Variants in LRRN2 observed in about 807,000 individuals in gnomAD.
LRRN2 encodes the protein leucine rich repeat neuronal 2.
A neutral mutation model predicts 35.7 loss-of-function variants in LRRN2; 10 were observed. That is an observed-to-expected ratio of 0.28 (90% CI 0.17 to 0.47). LRRN2 has a LOEUF of 0.47. Ranked by LOEUF, LRRN2 falls within the 20% of genes least tolerant of loss-of-function variation. The probability of loss-of-function intolerance (pLI) is 0.99; values close to 1 mark genes in which losing one functional copy is unlikely to be tolerated. For synonymous variants in LRRN2, 391 were observed against 409.6 expected (o/e 0.95, Z 0.55); for missense variants, 731 against 940.3 (o/e 0.78, Z 2.91).
At chr1:204,637,356 C>G (rs1376930078) in intron 1 of LRRN2, among the ~76,000 whole-genome samples, 1 of 152,220 alleles carries the variant, frequency 6.6e-6, no homozygotes, top group African/African-American at 2.4e-5. Context: ...CCTTCTCAAG[C>G]CAGGGCACAT....
intron 1 of LRRN2, among the ~76,000 whole-genome samples, chr1:204,632,657 C>T (rs113155534): frequency 0.068 from 9,483 of 139,650 alleles, 411 homozygotes; most frequent in Middle Eastern, 0.11. Context: ...ATTCGCCACG[C>T]GCAGTGGCCC....
At chr1:204,651,259 C>G (rs578140695) in intron 1 of LRRN2, among the ~76,000 whole-genome samples, 1 of 152,328 alleles carries the variant, frequency 6.6e-6, no homozygotes, top group East Asian at 1.9e-4. Context: ...AGCGGATCTC[C>G]TAGAGTCTTC....
At chr1:204,676,679 T>C (rs992156944) in intron 1 of LRRN2, among the ~76,000 whole-genome samples, 2 of 152,184 alleles carry the variant, frequency 1.3e-5, no homozygotes, top group African/African-American at 2.4e-5. Flanking sequence ...TGGCAGCTCA[T>C]TCCCATTCCC....
chr1:204,641,014 A>C (rs888214143), intron 1 of LRRN2, among the ~76,000 whole-genome samples: 3 of 151,874 alleles, frequency 2.0e-5, no homozygotes, highest in African/African-American at 7.2e-5. Flanking sequence ...AGAAAAAAAA[A>C]AAACAAAAAA....
chr1:204,618,520 C>A lies in LRRN2; in HGVS notation c.1473G>T (p.Glu491Asp), dbSNP rs150245964. ...GGGCCACACAGGTGTATAGCCCTGC[C>A]TCTTCTGCTGTCACCCTCCGCAGCT... is the stretch of plus-strand genomic sequence containing the variant. ...TLELRRVTAEEAGLYTCVAQN... is the reference protein window; with the variant it reads ...TLELRRVTAEDAGLYTCVAQN... Residue 491 changes from glutamate (E) to aspartate (D), a missense_variant, in exon 2 of 2, where the codon GAG becomes GAT. By Grantham distance (45) the Glu-to-Asp change is conservative. Coordinates refer to ENST00000367177, the MANE Select transcript of LRRN2 (RefSeq NM_201630.2). 1 of 1,614,232 alleles carries A rather than the reference C, an allele frequency of 6.2e-7. No homozygotes were observed. The highest frequency in any genetic ancestry group is 1.3e-5 in the African/African-American group (1 of 75,070).
chr1:204,682,253 A>G (rs961510602), intron 1 of LRRN2, among the ~76,000 whole-genome samples: 12 of 152,180 alleles, frequency 7.9e-5, no homozygotes, highest in Non-Finnish European at 1.3e-4. Context: ...TGACACAGGA[A>G]AAGTCATTGC....
At chr1:204,681,118 G>A (rs148545553) in intron 1 of LRRN2, among the ~76,000 whole-genome samples, 94 of 152,088 alleles carry the variant, frequency 6.2e-4, no homozygotes, top group African/African-American at 2.1e-3. Flanking sequence ...CACCACGCCC[G>A]GCTAATCTTT....
chr1:204,669,626 G>A (rs1558421901), intron 1 of LRRN2, among the ~76,000 whole-genome samples: 2 of 152,228 alleles, frequency 1.3e-5, no homozygotes, highest in Non-Finnish European at 2.9e-5. Flanking sequence ...GGCTACTTGA[G>A]CTGAGATCTG....
intron 1 of LRRN2, among the ~76,000 whole-genome samples, chr1:204,634,168 G>T (rs1667775212): frequency 1.3e-5 from 2 of 152,200 alleles, no homozygotes; most frequent in Non-Finnish European, 2.9e-5. Flanking sequence ...AAGACAAAAA[G>T]CCCACCTATA....
intron 1 of LRRN2, among the ~76,000 whole-genome samples, chr1:204,658,840 T>G (rs1668412181): frequency 6.6e-6 from 1 of 152,240 alleles, no homozygotes; most frequent in Admixed American, 6.5e-5. Context: ...TGGGCCTGCA[T>G]CTTTTTTACT....
chr1:204,665,442 C>T (rs1668557642), intron 1 of LRRN2, among the ~76,000 whole-genome samples: 1 of 152,140 alleles, frequency 6.6e-6, no homozygotes, highest in Non-Finnish European at 1.5e-5. Flanking sequence ...ACAGCCAGCC[C>T]TTAATTGCTT....
At chr1:204,673,066 C>T (rs1668747184) in intron 1 of LRRN2, among the ~76,000 whole-genome samples, 1 of 152,170 alleles carries the variant, frequency 6.6e-6, no homozygotes, top group South Asian at 2.1e-4. Flanking sequence ...CCGAAGGGCC[C>T]TCCCTCTCCC....
At position 204,641,648 on chromosome 1, in the gene LRRN2, G is replaced by C. The variant is rs141724693; in HGVS notation, c.-226-21430C>G. On this transcript the variant is annotated intron_variant, in intron 1 of 1. Transcript: ENST00000367177. The stretch of plus-strand genomic sequence containing the variant: ...GGAGGCTCAGAGAAGTTAAGCAACT[G>C]ATCTGAGGTCACACAGCTAGTACAT... 8.2e-3 allele frequency among the ~76,000 whole-genome samples: 1,246 copies of C among 152,340 alleles called. 8 individuals are homozygous for C. The highest frequency in any genetic ancestry group is 0.017 in the Middle Eastern group (5 of 294).
chr1:204,667,963 C>T (rs1195635043), intron 1 of LRRN2, among the ~76,000 whole-genome samples: 4 of 152,174 alleles, frequency 2.6e-5, no homozygotes, highest in Non-Finnish European at 2.9e-5. Flanking sequence ...CTGGAGTCTG[C>T]GGTGAGAAGC....
chr1:204,661,311 C>A (rs1019839537), intron 1 of LRRN2, among the ~76,000 whole-genome samples: 2 of 152,092 alleles, frequency 1.3e-5, no homozygotes, highest in South Asian at 2.1e-4. Context: ...CTAGAAATGT[C>A]CTACATGTTG....
At chr1:204,624,241 A>G (rs769119321) in intron 1 of LRRN2, among the ~76,000 whole-genome samples, 42 of 151,460 alleles carry the variant, frequency 2.8e-4, no homozygotes, top group Non-Finnish European at 2.7e-4. Flanking sequence ...AGTGTGGGGA[A>G]GGACACTGTT....
intron 1 of LRRN2, among the ~76,000 whole-genome samples, chr1:204,666,219 G>T (rs937450786): frequency 1.3e-5 from 2 of 152,254 alleles, no homozygotes; most frequent in African/African-American, 4.8e-5. Context: ...AACGGAAAGT[G>T]TAAGATATTG....
chr1:204,636,585 A>G (rs578154601), intron 1 of LRRN2, among the ~76,000 whole-genome samples: 4 of 152,334 alleles, frequency 2.6e-5, no homozygotes, highest in African/African-American at 4.8e-5. Context: ...GCATCCGCAC[A>G]GAGCAGAGCT....
At chr1:204,662,762 C>T (rs985247926) in intron 1 of LRRN2, among the ~76,000 whole-genome samples, 7 of 152,306 alleles carry the variant, frequency 4.6e-5, no homozygotes, top group Admixed American at 4.6e-4. Context: ...TGATGAGTAA[C>T]TTTGCCACAA....
Sources: gnomAD v4.1 joint callset for allele counts (sites outside exome capture counted in the v4.1 genomes callset) on GRCh38, gnomAD v4.1.1 for gene constraint, MANE v1.5 for transcripts, NCBI Gene and HGNC (gene_info 2026-07-23, HGNC 2026-07-21) for gene names.